The following CFAP77 variants were observed in gnomAD, a reference collection of about 807,000 sequenced individuals.
CFAP77 encodes cilia- and flagella-associated protein 77.
CFAP77 carries 25 observed loss-of-function variants against 31.1 expected under a neutral mutation model. The observed-to-expected ratio is 0.80, with a 90% CI of 0.59 to 1.12. CFAP77 has a LOEUF of 1.12. CFAP77 is among the 50% of genes most tolerant of loss of function. The pLI, the probability that CFAP77 is intolerant of heterozygous loss-of-function variation, is 0.00. For missense variants in CFAP77, 377 were observed against 397.3 expected (o/e 0.95, Z 0.44); for synonymous variants, 151 against 159.9 (o/e 0.94, Z 0.42).
At chr9:132,508,692 G>T (rs1851980266) in intron 3 of CFAP77, among the ~76,000 whole-genome samples, 1 of 152,052 alleles carries the variant, frequency 6.6e-6, no homozygotes. Context: ...GTGTTGGAAG[G>T]GGGCAGTCCT....
chr9:132,471,960 C>A (rs552535881), intron 1 of CFAP77, among the ~76,000 whole-genome samples: 1 of 152,222 alleles, frequency 6.6e-6, no homozygotes, highest in Non-Finnish European at 1.5e-5. Context: ...AATCTGCCTG[C>A]CTTGGGCTCC....
At chr9:132,555,670 G>A (rs1408423088) in intron 5 of CFAP77, among the ~76,000 whole-genome samples, 2 of 152,084 alleles carry the variant, frequency 1.3e-5, no homozygotes, top group Non-Finnish European at 2.9e-5. Context: ...TCTCCTCCCA[G>A]CCCAATCCTT....
In CFAP77 at chr9:132,468,789, A is replaced by ACG. The variant is rs1554740228; in HGVS notation, c.196-29904_196-29903dup. Among the ~76,000 whole-genome samples the ACG allele has an allele frequency of 1.0e-4, 9 of 89,362 alleles. No individual in the cohort carries two copies. In the South Asian group the frequency reaches 2.0e-3, roughly 20 times the overall value. The allele number at this position is 89,362 out of a possible 152,430, so 58.6% of individuals were successfully genotyped here. ...CTTTTGAAAGAATAAGCACACACAC[A>ACG]CGCACACACACACACACACACGCAC... On this transcript the variant is annotated intron_variant, in intron 1 of 5. Coordinates refer to ENST00000393216, the MANE Select transcript of CFAP77 (RefSeq NM_001282957.2).
Position 132,513,483 on chromosome 9 carries a change from C to T in CFAP77, c.524+13883C>T, listed in dbSNP as rs953970448. On this transcript the variant is annotated intron_variant, in intron 3 of 5. Transcript: ENST00000393216. ...TGAGGACCCTCCCGAGGTTGGAGCACGCATGCTTTCCACCCAGCGTGCCCA... is the reference window on the plus strand; with the variant it reads ...TGAGGACCCTCCCGAGGTTGGAGCATGCATGCTTTCCACCCAGCGTGCCCA... 5.9e-5 allele frequency: 67 copies of T among 1,128,046 alleles called. No homozygotes were observed. In the Admixed American group the frequency reaches 7.7e-4, roughly 13 times the overall value. 69.9% of individuals were successfully genotyped at this position (1,128,046 alleles called of 1,614,324 possible).
intron 5 of CFAP77, among the ~76,000 whole-genome samples, chr9:132,560,918 CAT>C (rs1852984996): frequency 6.6e-6 from 1 of 152,190 alleles, no homozygotes; most frequent in Non-Finnish European, 1.5e-5. Context: ...GAAATCGCAG[CAT>C]GTGTCAGCAG....
In CFAP77 at chr9:132,501,839, C is replaced by T. The variant is rs1170169889; in HGVS notation, c.524+2239C>T. On this transcript the variant is annotated intron_variant, in intron 3 of 5. Coordinates refer to ENST00000393216, the MANE Select transcript of CFAP77 (RefSeq NM_001282957.2). This position sits in a 1 kb window ranked among gnomAD's most constrained non-coding sequence, Gnocchi z 4.6. ...GCCTGGTCTGATGATGCGCCCTTCC[C>T]TGGAGTCAGGGGTGAAATCAGTCCC... is the stretch of plus-strand genomic sequence containing the variant. Among the ~76,000 whole-genome samples the T allele has an allele frequency of 2.0e-5, 3 of 152,232 alleles. No individual in the cohort carries two copies. The highest frequency in any genetic ancestry group is 7.2e-5 in the African/African-American group (3 of 41,466).
At chr9:132,458,357 G>A (rs113669636) in intron 1 of CFAP77, among the ~76,000 whole-genome samples, 1 of 119,046 alleles carries the variant, frequency 8.4e-6, no homozygotes, top group African/African-American at 3.2e-5. Context: ...GAGGGGGGGG[G>A]GTGTGTATGG....
intron 4 of CFAP77, among the ~76,000 whole-genome samples, chr9:132,538,112 A>G (rs557392714): frequency 1.3e-5 from 2 of 152,384 alleles, no homozygotes; most frequent in East Asian, 1.9e-4. Context: ...GAAAAGGCCA[A>G]TAAGGCAAAG....
At chr9:132,421,198 G>T (rs1026103794) in intron 1 of CFAP77, among the ~76,000 whole-genome samples, 1 of 151,952 alleles carries the variant, frequency 6.6e-6, no homozygotes, top group African/African-American at 2.4e-5. Flanking sequence ...AGTAGAGTTG[G>T]CCAGGCTGGC....
chr9:132,432,063 A>G (rs570909042), intron 1 of CFAP77, among the ~76,000 whole-genome samples: 2 of 152,348 alleles, frequency 1.3e-5, no homozygotes, highest in East Asian at 3.9e-4. Context: ...TCTTGAAATC[A>G]GACAGGGAAA....
rs187804093 is a variant in CFAP77, at chr9:132,446,504, G to A, written c.195+36038G>A. Among the ~76,000 whole-genome samples the A allele has an allele frequency of 2.1e-3, 319 of 152,272 alleles. 2 individuals carry two copies. The highest frequency in any genetic ancestry group is 7.0e-3 in the African/African-American group (291 of 41,576). The stretch of plus-strand genomic sequence containing the variant: ...GCCTGTAATCCCAGCACTTTGGGAG[G>A]CTGAGGTGGGTGGATCATGAGGTCA... On this transcript the variant is annotated intron_variant, in intron 1 of 5. Coordinates refer to ENST00000393216, the MANE Select transcript of CFAP77 (RefSeq NM_001282957.2).
At chr9:132,465,903 A>T (rs528884284) in intron 1 of CFAP77, among the ~76,000 whole-genome samples, 1 of 152,264 alleles carries the variant, frequency 6.6e-6, no homozygotes, top group South Asian at 2.1e-4. Context: ...AGTGGTTCAA[A>T]ATAAGGCAGT....
rs141752503 is a variant in CFAP77 at position 132,461,358 on chromosome 9, G to A, written c.196-37337G>A. 7.7e-4 allele frequency among the ~76,000 whole-genome samples: 118 copies of A among 152,326 alleles called. 1 individual carries two copies. The highest frequency in any genetic ancestry group is 3.4e-3 in the Middle Eastern group (1 of 294). ...GCTTTTGCAGGTCTCTCTGTCTTAC[G>A]CCAGGATGAGTTAAAGACCCCTGGT... On this transcript the variant is annotated intron_variant, in intron 1 of 5. Transcript: ENST00000393216.
chr9:132,544,162 C>T (rs146406424), intron 5 of CFAP77, among the ~76,000 whole-genome samples: 54 of 152,372 alleles, frequency 3.5e-4, no homozygotes, highest in African/African-American at 1.2e-3. Flanking sequence ...CTCTGCCCCC[C>T]CTTGACGCGG....
intron 1 of CFAP77, among the ~76,000 whole-genome samples, chr9:132,445,005 A>C (rs1320915774): frequency 1.5e-5 from 2 of 137,722 alleles, no homozygotes; most frequent in African/African-American, 2.8e-5. Context: ...ACAGGGTCTC[A>C]CTCTGTTGCC....
intron 1 of CFAP77, among the ~76,000 whole-genome samples, chr9:132,476,346 T>G (rs111237908): frequency 0.022 from 3,415 of 152,128 alleles, 118 homozygotes; most frequent in African/African-American, 0.078. Flanking sequence ...CCTCCTCTTG[T>G]GGGGCTGGAT....
chr9:132,438,541 A>ATATATTTTTTTTTTTT, intron 1 of CFAP77, among the ~76,000 whole-genome samples: 1 of 108,154 alleles, frequency 9.2e-6, no homozygotes, highest in African/African-American at 4.1e-5. Context: ...ATATATATAT[A>ATATATTTTTTTTTTTT]TTTTTTTTTT....
chr9:132,512,376 CCT>C (rs1157812420), intron 3 of CFAP77, among the ~76,000 whole-genome samples: 1 of 152,164 alleles, frequency 6.6e-6, no homozygotes, highest in Non-Finnish European at 1.5e-5. Flanking sequence ...TCTGCAAAGA[CCT>C]CTTTTCCAAA....
chr9:132,544,441 C>A (rs914463026), intron 5 of CFAP77, among the ~76,000 whole-genome samples: 1 of 151,932 alleles, frequency 6.6e-6, no homozygotes, highest in Non-Finnish European at 1.5e-5. Flanking sequence ...CAGCAGATTC[C>A]GTCCACAGCC....
Sources: gnomAD v4.1 joint callset for allele counts (sites outside exome capture counted in the v4.1 genomes callset) on GRCh38, gnomAD v4.1.1 for gene constraint, Gnocchi (gnomAD v3.1) non-coding constraint, MANE v1.5 for transcripts, NCBI Gene and HGNC (gene_info 2026-07-23, HGNC 2026-07-21) for gene names.